ZFAT: variants seen among roughly 807,000 people sequenced by gnomAD.
ZFAT encodes the protein zinc finger protein ZFAT.
In ZFAT, 64 loss-of-function variants were observed where a neutral mutation model predicts 117.7. The ratio of observed to expected loss-of-function variants is 0.54; its 90% CI spans 0.44 to 0.67. The LOEUF is 0.67. Ranked by LOEUF, ZFAT falls within the 30% of genes least tolerant of loss-of-function variation. The pLI, the probability that ZFAT is intolerant of heterozygous loss-of-function variation, is 0.00. For synonymous variants in ZFAT, 679 were observed against 615.0 expected (o/e 1.10, Z -1.54); for missense variants, 1,433 against 1,584.5 (o/e 0.90, Z 1.62).
At chr8:134,665,958 C>A (rs1832194617) in intron 1 of ZFAT, among the ~76,000 whole-genome samples, 2 of 152,254 alleles carry the variant, frequency 1.3e-5, no homozygotes, top group African/African-American at 4.8e-5. Flanking sequence ...AGTAAAAACT[C>A]AAAATACACT....
At chr8:134,637,775 A>AC in intron 2 of ZFAT, 63 bp from the exon 3 acceptor site, 2 of 1,561,806 alleles carry the variant, frequency 1.3e-6, no homozygotes. Flanking sequence ...GTTCACAATC[A>AC]CCCTCCAAGT....
At chr8:134,545,224 T>C (rs1160137746) in intron 11 of ZFAT, among the ~76,000 whole-genome samples, 1 of 152,104 alleles carries the variant, frequency 6.6e-6, no homozygotes, top group Non-Finnish European at 1.5e-5. Context: ...TCAAAACAAA[T>C]ACACAAGGCC....
chr8:134,541,368 C>T (rs78133090), intron 11 of ZFAT, among the ~76,000 whole-genome samples: 3,029 of 152,202 alleles, frequency 0.02, 116 homozygotes, highest in African/African-American at 0.069. Context: ...CACGCTCAGC[C>T]CCCTCACCAT....
intron 1 of ZFAT, among the ~76,000 whole-genome samples, chr8:134,658,487 C>A (rs1831760500): frequency 6.6e-6 from 1 of 152,164 alleles, no homozygotes; most frequent in Non-Finnish European, 1.5e-5. Flanking sequence ...AACAGCCCAG[C>A]ACCTTTCAAT....
chr8:134,699,271 C>CT (rs767943086), intron 1 of ZFAT, among the ~76,000 whole-genome samples: 33 of 152,276 alleles, frequency 2.2e-4, no homozygotes, highest in African/African-American at 7.9e-4. Context: ...CTATCAATCT[C>CT]TAAGGAACAA....
chr8:134,812,934 C>T, the ZFAT span, among the ~76,000 whole-genome samples: 4,461 of 152,212 alleles, frequency 0.029, 218 homozygotes, highest in African/African-American at 0.1. Context: ...AAGCAATGTA[C>T]CCAGAGTCAC....
the ZFAT span, chr8:134,797,930 G>A: frequency 1.3e-5 from 2 of 151,470 alleles, no homozygotes; most frequent in Admixed American, 1.3e-4. Context: ...CAATGAAGAG[G>A]TTAGTTGATT....
chr8:134,682,708 A>G (rs1439013706), intron 1 of ZFAT, among the ~76,000 whole-genome samples: 1 of 152,222 alleles, frequency 6.6e-6, no homozygotes, highest in Non-Finnish European at 1.5e-5. Flanking sequence ...GAATCAATGA[A>G]GTTCAGAAAC....
chr8:134,816,522 C>T, the ZFAT span, among the ~76,000 whole-genome samples: 3 of 151,418 alleles, frequency 2.0e-5, no homozygotes, highest in South Asian at 2.1e-4. Flanking sequence ...AACATTAGGA[C>T]TTTTCTTTAA....
intron 1 of ZFAT, among the ~76,000 whole-genome samples, chr8:134,686,316 C>A (rs1833322993): frequency 6.6e-6 from 1 of 152,186 alleles, no homozygotes; most frequent in Non-Finnish European, 1.5e-5. Context: ...AAGGAAGGCA[C>A]AACCACCCTG....
chr8:134,811,573 T>A, the ZFAT span, among the ~76,000 whole-genome samples: 4 of 152,176 alleles, frequency 2.6e-5, no homozygotes, highest in Admixed American at 2.6e-4. Context: ...CTTCAGCCTT[T>A]GAAATGACCA....
At chr8:134,598,672 A>C (rs7004326) in intron 7 of ZFAT, 64,530 of 152,084 alleles carry the variant, frequency 0.42, 15,439 homozygotes, top group East Asian at 0.89. Context: ...GTAAAGCTCA[A>C]TTACAACTTC....
At chr8:134,592,557 C>T (rs1444722319) in intron 7 of ZFAT, among the ~76,000 whole-genome samples, 1 of 152,150 alleles carries the variant, frequency 6.6e-6, no homozygotes, top group Non-Finnish European at 1.5e-5. Flanking sequence ...AAAAACAATG[C>T]CTCCTTCACA....
chr8:134,509,776 C>G (rs1183159162), intron 14 of ZFAT, 27 bp from the exon 15 acceptor site: 5 of 1,569,628 alleles, frequency 3.2e-6, no homozygotes, highest in Admixed American at 3.8e-5. Context: ...AAAGAGGACA[C>G]CATTCAGGCC....
intron 10 of ZFAT, among the ~76,000 whole-genome samples, chr8:134,566,624 A>G (rs901776222): frequency 6.6e-6 from 1 of 152,176 alleles, no homozygotes; most frequent in Non-Finnish European, 1.5e-5. Flanking sequence ...AAACCTCCTC[A>G]GGGCATTACA....
intron 2 of ZFAT, among the ~76,000 whole-genome samples, chr8:134,643,182 G>T (rs1192423342): frequency 2.0e-5 from 3 of 152,228 alleles, no homozygotes; most frequent in Non-Finnish European, 2.9e-5. Flanking sequence ...GGTCACTGAG[G>T]CTTAAGAAGA....
chr8:134,778,833 G>A, the ZFAT span, among the ~76,000 whole-genome samples: 1 of 152,170 alleles, frequency 6.6e-6, no homozygotes, highest in Admixed American at 6.5e-5. Context: ...AACAGGACAT[G>A]GTGGGGAAGT....
At chr8:134,656,420 C>T (rs1377470845) in intron 2 of ZFAT, among the ~76,000 whole-genome samples, 1 of 152,198 alleles carries the variant, frequency 6.6e-6, no homozygotes, top group Non-Finnish European at 1.5e-5. Context: ...CTAACTGCTG[C>T]TCCTTATTCA....
intron 7 of ZFAT, among the ~76,000 whole-genome samples, chr8:134,593,937 T>G (rs1337500173): frequency 1.3e-5 from 2 of 152,160 alleles, no homozygotes; most frequent in Non-Finnish European, 2.9e-5. Context: ...AACCCAACCA[T>G]CAGTGAGGAT....
Sources: allele counts gnomAD v4.1 joint callset (sites outside exome capture counted in the v4.1 genomes callset), GRCh38; gene constraint gnomAD v4.1.1; transcripts MANE v1.5; gene names NCBI Gene and HGNC (gene_info 2026-07-23, HGNC 2026-07-21).